DCAF6: variants seen among roughly 807,000 people sequenced by gnomAD.
DCAF6 encodes DDB1- and CUL4-associated factor 6.
Under a neutral mutation model 125.1 loss-of-function variants are expected in DCAF6, and 54 were observed. That is an observed-to-expected ratio of 0.43 (90% CI 0.35 to 0.54). The LOEUF is 0.54. Ranked by LOEUF, DCAF6 falls within the 20% of genes least tolerant of loss-of-function variation. The pLI is 0.01. For missense variants in DCAF6, 934 were observed against 1,161.7 expected (o/e 0.80, Z 2.85); for synonymous variants, 371 against 390.4 (o/e 0.95, Z 0.58).
chr1:167,875,284 A>C, the DCAF6 span: 1 of 1,216,488 alleles, frequency 8.2e-7, no homozygotes, highest in Non-Finnish European at 1.2e-6. Flanking sequence ...TTTCCTTCTC[A>C]ATTGCTAACA....
At chr1:167,947,823 TG>T (rs1673302305) in intron 1 of DCAF6, among the ~76,000 whole-genome samples, 1 of 152,346 alleles carries the variant, frequency 6.6e-6, no homozygotes, top group African/African-American at 2.4e-5. Context: ...CATATGCTGA[TG>T]AAAATATTGT....
At chr1:168,072,294 T>TAAAAAAAAAAAAAAAAAAAA (rs59674650) in intron 21 of DCAF6, among the ~76,000 whole-genome samples, 3 of 41,008 alleles carry the variant, frequency 7.3e-5, no homozygotes, top group African/African-American at 2.5e-4. Context: ...AGAATCAGTC[T>TAAAAAAAAAAAAAAAAAAAA]AAAAAAAAAA....
the DCAF6 span, among the ~76,000 whole-genome samples, chr1:167,872,863 A>T: frequency 6.6e-6 from 1 of 151,196 alleles, no homozygotes; most frequent in Non-Finnish European, 1.5e-5. Flanking sequence ...CGAGATCAGG[A>T]GTTCAAGACC....
chr1:167,939,158 C>G (rs1671844967), intron 1 of DCAF6, among the ~76,000 whole-genome samples: 1 of 152,126 alleles, frequency 6.6e-6, no homozygotes, highest in Admixed American at 6.5e-5. Context: ...CACTGTTATT[C>G]AGCTCTTCTA....
the DCAF6 span, chr1:167,905,324 G>C: frequency 1.3e-6 from 1 of 745,770 alleles, no homozygotes. Context: ...CAGAGTTGTT[G>C]AGCCACACTT....
chr1:167,885,319 T>C, the DCAF6 span, among the ~76,000 whole-genome samples: 2 of 152,234 alleles, frequency 1.3e-5, no homozygotes, highest in Admixed American at 1.3e-4. Flanking sequence ...GTAGAATTTC[T>C]AGATTGTATG....
At chr1:168,071,489 C>T (rs753706778) in intron 21 of DCAF6, among the ~76,000 whole-genome samples, 1 of 152,094 alleles carries the variant, frequency 6.6e-6, no homozygotes, top group Non-Finnish European at 1.5e-5. Context: ...CAAAAATTAG[C>T]TGGACGTGAT....
intron 1 of DCAF6, among the ~76,000 whole-genome samples, chr1:167,944,297 A>G (rs1397868707): frequency 6.6e-6 from 1 of 152,152 alleles, no homozygotes; most frequent in Non-Finnish European, 1.5e-5. Flanking sequence ...CATATCTTTT[A>G]GATATATTAA....
chr1:168,055,313 G>T (rs2101888531), intron 17 of DCAF6, among the ~76,000 whole-genome samples: 1 of 94,454 alleles, frequency 1.1e-5, no homozygotes, highest in South Asian at 3.9e-4. Context: ...TCTTTGAATT[G>T]AAAAAAATCA....
chr1:167,937,241 C>A (rs1053553206), intron 1 of DCAF6: 8 of 585,296 alleles, frequency 1.4e-5, no homozygotes, highest in Non-Finnish European at 2.2e-5. Context: ...AGGGCCGGGC[C>A]GTGGGCAGAA....
chr1:168,030,728 A>G (rs1686978356), intron 12 of DCAF6, among the ~76,000 whole-genome samples: 1 of 152,252 alleles, frequency 6.6e-6, no homozygotes. Context: ...TAGATAGTTT[A>G]GTAATAAATA....
At chr1:167,928,477 C>T in the DCAF6 span, among the ~76,000 whole-genome samples, 1 of 151,908 alleles carries the variant, frequency 6.6e-6, no homozygotes, top group Non-Finnish European at 1.5e-5. Context: ...TAAATTTAGA[C>T]ATATATAAAA....
chr1:167,920,178 C>A, the DCAF6 span: 1 of 817,894 alleles, frequency 1.2e-6, no homozygotes, highest in Non-Finnish European at 2.0e-6. Flanking sequence ...GTAATTACAA[C>A]AATAATGTAG....
intron 2 of DCAF6, among the ~76,000 whole-genome samples, chr1:167,962,891 G>A (rs1675834538): frequency 6.6e-6 from 1 of 152,138 alleles, no homozygotes. Flanking sequence ...GGAGGCAGAG[G>A]GTTGTAGTAA....
chr1:167,899,796 CCTTCCAAAGCTCCCCTT>C, the DCAF6 span, among the ~76,000 whole-genome samples: 6 of 152,210 alleles, frequency 3.9e-5, no homozygotes, highest in East Asian at 3.8e-4. Flanking sequence ...TGGGCTCGGG[CCTTCCAAAGCTCCCCTT>C]CTTCCAAAGC....
chr1:167,902,210 C>T, the DCAF6 span, among the ~76,000 whole-genome samples: 1 of 152,248 alleles, frequency 6.6e-6, no homozygotes, highest in East Asian at 1.9e-4. Context: ...GCCACTTAAC[C>T]CATTTGAGTC....
chr1:167,881,393 C>T, the DCAF6 span, among the ~76,000 whole-genome samples: 3 of 152,154 alleles, frequency 2.0e-5, no homozygotes, highest in Admixed American at 1.3e-4. Flanking sequence ...GCAAAGAACA[C>T]TAAAATACCT....
At chr1:167,869,346 T>C in the DCAF6 span, among the ~76,000 whole-genome samples, 31 of 152,298 alleles carry the variant, frequency 2.0e-4, no homozygotes, top group East Asian at 4.6e-3. Context: ...ACTATCAATC[T>C]ATTGCACAAG....
intron 17 of DCAF6, among the ~76,000 whole-genome samples, chr1:168,063,272 C>T (rs575251181): frequency 6.6e-6 from 1 of 152,238 alleles, no homozygotes; most frequent in African/African-American, 2.4e-5. Flanking sequence ...GGGGAAAGAA[C>T]ATTGGATAAA....
Sources: gnomAD v4.1 joint callset for allele counts (sites outside exome capture counted in the v4.1 genomes callset) on GRCh38, gnomAD v4.1.1 for gene constraint, MANE v1.5 for transcripts, NCBI Gene and HGNC (gene_info 2026-07-23, HGNC 2026-07-21) for gene names.